CRADD: variants seen among roughly 807,000 people sequenced by gnomAD.
CRADD encodes the protein death domain-containing protein CRADD.
CRADD carries 9 observed loss-of-function variants against 15.5 expected under a neutral mutation model. The ratio of observed to expected loss-of-function variants is 0.58; its 90% CI spans 0.35 to 1.01. CRADD has a LOEUF of 1.01. Among genes scored for constraint, CRADD ranks in the 50% least tolerant of loss-of-function variants. CRADD has a pLI of 0.02. For synonymous variants in CRADD, 118 were observed against 107.6 expected (o/e 1.10, Z -0.60); for missense variants, 227 against 250.3 (o/e 0.91, Z 0.63).
At chr12:93,862,802 C>T (rs1958328694) in intron 2 of CRADD, among the ~76,000 whole-genome samples, 1 of 152,176 alleles carries the variant, frequency 6.6e-6, no homozygotes, top group African/African-American at 2.4e-5. Context: ...CACCTATTAA[C>T]ATCTTTGGAA....
intron 2 of CRADD, chr12:93,849,178 G>C (rs1043988613): frequency 7.2e-5 from 11 of 152,252 alleles, no homozygotes; most frequent in African/African-American, 2.7e-4. Flanking sequence ...CTGCAGGGAG[G>C]GGCATTCCCA....
At chr12:93,737,867 T>C (rs1395550889) in intron 2 of CRADD, 1 of 172,648 alleles carries the variant, frequency 5.8e-6, no homozygotes. Context: ...GCATGCTTTT[T>C]ATGGAACAGG....
chr12:93,890,822 T>A (rs1051794685), intron 2 of CRADD, among the ~76,000 whole-genome samples: 11 of 151,142 alleles, frequency 7.3e-5, no homozygotes, highest in Non-Finnish European at 1.2e-4. Context: ...GCAGTGGCAC[T>A]ATTTGGCTCA....
chr12:93,772,828 C>T (rs1402884735), intron 2 of CRADD, among the ~76,000 whole-genome samples: 2 of 152,160 alleles, frequency 1.3e-5, no homozygotes, highest in Non-Finnish European at 2.9e-5. Flanking sequence ...GCCTGCTGAT[C>T]GTGCCCTGCA....
chr12:93,724,501 A>C (rs1192373771), intron 2 of CRADD, among the ~76,000 whole-genome samples: 1 of 152,232 alleles, frequency 6.6e-6, no homozygotes, highest in Non-Finnish European at 1.5e-5. Flanking sequence ...AGAACTAAGA[A>C]GACTTGTTGA....
intron 2 of CRADD, among the ~76,000 whole-genome samples, chr12:93,747,480 A>C (rs1858193888): frequency 7.4e-6 from 1 of 135,600 alleles, no homozygotes. Context: ...TTTTTTTTTC[A>C]GATGTAGTCT....
intron 2 of CRADD, among the ~76,000 whole-genome samples, chr12:93,745,579 C>T (rs151331926): frequency 2.0e-5 from 3 of 152,302 alleles, no homozygotes; most frequent in Non-Finnish European, 4.4e-5. Flanking sequence ...TATGTTGACA[C>T]TTGAAACCAG....
chr12:93,889,459 G>C (rs935058619), intron 2 of CRADD, among the ~76,000 whole-genome samples: 1 of 152,142 alleles, frequency 6.6e-6, no homozygotes, highest in Admixed American at 6.5e-5. Flanking sequence ...AATTCATGAT[G>C]ACAGATAAAA....
At chr12:93,784,235 CAG>C (rs754495478) in intron 2 of CRADD, among the ~76,000 whole-genome samples, 1 of 152,080 alleles carries the variant, frequency 6.6e-6, no homozygotes, top group Admixed American at 6.6e-5. Context: ...TACTCACACT[CAG>C]GGCATGTCAG....
chr12:93,857,145 A>G (rs577465769), intron 2 of CRADD, among the ~76,000 whole-genome samples: 1 of 152,338 alleles, frequency 6.6e-6, no homozygotes, highest in South Asian at 2.1e-4. Context: ...AGTAAAAAAA[A>G]AAAAACCCAA....
chr12:93,696,060 C>T (rs1592894098), intron 2 of CRADD, among the ~76,000 whole-genome samples: 1 of 152,140 alleles, frequency 6.6e-6, no homozygotes, highest in African/African-American at 2.4e-5. Flanking sequence ...TATTAGAATT[C>T]TAGGTGCTTA....
chr12:93,878,051 T>C (rs1958469981), intron 2 of CRADD, among the ~76,000 whole-genome samples: 1 of 152,184 alleles, frequency 6.6e-6, no homozygotes, highest in African/African-American at 2.4e-5. Flanking sequence ...GCCCAAGGGC[T>C]CTTCAGTTAG....
intron 2 of CRADD, among the ~76,000 whole-genome samples, chr12:93,716,549 C>T (rs1439533585): frequency 6.6e-6 from 1 of 152,224 alleles, no homozygotes; most frequent in Non-Finnish European, 1.5e-5. Flanking sequence ...TCCTTCCACA[C>T]AACCCCTAGA....
intron 2 of CRADD, among the ~76,000 whole-genome samples, chr12:93,683,269 G>C (rs1339315721): frequency 2.0e-5 from 3 of 152,240 alleles, no homozygotes; most frequent in Admixed American, 1.3e-4. Flanking sequence ...CTGTTCCACT[G>C]TGTTGGCCCT....
At chr12:93,790,586 A>G (rs1199320266) in intron 2 of CRADD, 3 of 152,094 alleles carry the variant, frequency 2.0e-5, no homozygotes, top group Non-Finnish European at 4.4e-5. Flanking sequence ...TTTGTGTAAT[A>G]TTTATATGGT....
chr12:93,847,363 T>C (rs1322077073), intron 2 of CRADD, among the ~76,000 whole-genome samples: 1 of 149,260 alleles, frequency 6.7e-6, no homozygotes, highest in Non-Finnish European at 1.5e-5. Flanking sequence ...TATATTATAC[T>C]GTTAAGAATA....
chr12:93,787,569 G>A (rs1957294498), intron 2 of CRADD, among the ~76,000 whole-genome samples: 1 of 151,974 alleles, frequency 6.6e-6, no homozygotes, highest in African/African-American at 2.4e-5. Context: ...CAAGTTCAGG[G>A]ATAGATTTTC....
intron 2 of CRADD, among the ~76,000 whole-genome samples, chr12:93,799,028 A>G (rs1440475509): frequency 6.6e-6 from 1 of 151,756 alleles, no homozygotes; most frequent in Non-Finnish European, 1.5e-5. Flanking sequence ...AAGGGAGGAG[A>G]AGAAGGGAGG....
chr12:93,701,305 C>G (rs1955840267), intron 2 of CRADD, among the ~76,000 whole-genome samples: 1 of 151,336 alleles, frequency 6.6e-6, no homozygotes, highest in South Asian at 2.1e-4. Flanking sequence ...GACACACACA[C>G]ACACACACAC....
Sources: gnomAD v4.1 joint callset for allele counts (sites outside exome capture counted in the v4.1 genomes callset) on GRCh38, gnomAD v4.1.1 for gene constraint, MANE v1.5 for transcripts, NCBI Gene and HGNC (gene_info 2026-07-23, HGNC 2026-07-21) for gene names.